SLC10A6: variants seen among roughly 807,000 people sequenced by gnomAD.
The protein encoded by SLC10A6 is solute carrier family 10 member 6.
In SLC10A6, 27 loss-of-function variants were observed where a neutral mutation model predicts 30.0. That is an observed-to-expected ratio of 0.90 (90% CI 0.66 to 1.24). The LOEUF (loss-of-function observed/expected upper bound fraction) is 1.24. SLC10A6 is among the 50% of genes most tolerant of loss of function. SLC10A6 has a pLI of 0.00. For synonymous variants in SLC10A6, 166 were observed against 173.8 expected, an observed-to-expected ratio of 0.95 and a Z score of 0.36; for missense variants, 439 against 457.0, an observed-to-expected ratio of 0.96 and a Z score of 0.36.
intron 1 of SLC10A6, among the ~76,000 whole-genome samples, chr4:86,836,985 AAC>A: frequency 6.6e-6 from 1 of 151,768 alleles, no homozygotes; most frequent in Non-Finnish European, 1.5e-5. Context: ...TCGAACTCCT[AAC>A]CTCAGGTGAT....
intron 4 of SLC10A6, 147 bp downstream of exon 4, chr4:86,827,846 T>G: frequency 1.7e-6 from 1 of 592,978 alleles, no homozygotes; most frequent in Non-Finnish European, 2.7e-6. Context: ...TTGCCATGAA[T>G]GACCCTCTTT....
intron 2 of SLC10A6, among the ~76,000 whole-genome samples, chr4:86,832,108 T>C (rs1480288512): frequency 6.6e-6 from 1 of 152,208 alleles, no homozygotes; most frequent in Non-Finnish European, 1.5e-5. Context: ...AAGCAGAATA[T>C]ATTAAATAAC....
intron 1 of SLC10A6, among the ~76,000 whole-genome samples, chr4:86,846,226 GATTTT>G (rs1746387953): frequency 6.6e-6 from 1 of 152,074 alleles, no homozygotes; most frequent in Non-Finnish European, 1.5e-5. Context: ...ACTGAAAATT[GATTTT>G]ATTACTTTTG....
chr4:86,848,675 G>T (rs1746432241), intron 1 of SLC10A6, 64 bp downstream of exon 1: 1 of 1,495,252 alleles, frequency 6.7e-7, no homozygotes, highest in Non-Finnish European at 9.0e-7. Context: ...TAACACAAGA[G>T]TTTCAGTTAT....
intron 3 of SLC10A6, among the ~76,000 whole-genome samples, chr4:86,829,815 T>C (rs1012256269): frequency 6.6e-6 from 1 of 151,972 alleles, no homozygotes; most frequent in South Asian, 2.1e-4. Context: ...TCCTATGAAA[T>C]ACCCAAAAGA....
At chr4:86,829,247 TA>T (rs1434955272) in intron 3 of SLC10A6, among the ~76,000 whole-genome samples, 1 of 151,946 alleles carries the variant, frequency 6.6e-6, no homozygotes, top group African/African-American at 2.4e-5. Context: ...CTGTCTCTAC[TA>T]AAAAATACAA....
At chr4:86,837,931 C>A (rs1273323395) in intron 1 of SLC10A6, among the ~76,000 whole-genome samples, 1 of 152,218 alleles carries the variant, frequency 6.6e-6, no homozygotes, top group Non-Finnish European at 1.5e-5. Context: ...AGGTCTTCTG[C>A]ATAGACAGAA....
intron 1 of SLC10A6, among the ~76,000 whole-genome samples, chr4:86,848,321 G>A (rs554036331): frequency 1.3e-5 from 2 of 152,238 alleles, no homozygotes; most frequent in South Asian, 2.1e-4. Context: ...CTGGAGCTAC[G>A]GGAGTCTCAT....
chr4:86,839,265 G>C (rs1470804623), intron 1 of SLC10A6, among the ~76,000 whole-genome samples: 23 of 143,408 alleles, frequency 1.6e-4, no homozygotes, highest in Admixed American at 6.9e-4. Flanking sequence ...GAGAGACCCT[G>C]GTCTCTACAA....
At chr4:86,837,142 A>G (rs1297072921) in intron 1 of SLC10A6, among the ~76,000 whole-genome samples, 1 of 151,014 alleles carries the variant, frequency 6.6e-6, no homozygotes, top group East Asian at 1.9e-4. Context: ...AATATTTTAT[A>G]TATTGTAAAG....
chr4:86,823,649 C>A lies in SLC10A6; in HGVS notation c.*39G>T. On this transcript the variant is annotated 3_prime_UTR_variant, in exon 6 of 6. Coordinates refer to ENST00000273905, the MANE Select transcript of SLC10A6 (RefSeq NM_197965.3). ...AGCTGCACACTGTCTTTACTGGCCACTGAAAAAGAAGGGGGCCAGTCCAGC... is the reference window on the plus strand; with the variant it reads ...AGCTGCACACTGTCTTTACTGGCCAATGAAAAAGAAGGGGGCCAGTCCAGC... 1 of 1,521,564 alleles carries A rather than the reference C, an allele frequency of 6.6e-7. No homozygotes were observed. 94.3% of individuals were successfully genotyped at this position (1,521,564 alleles called of 1,614,324 possible). A position where few individuals can be genotyped will look rare whatever the true frequency, so the allele number is the denominator to read the frequency against.
intron 1 of SLC10A6, among the ~76,000 whole-genome samples, chr4:86,842,711 AG>A (rs771538350): frequency 0.15 from 16,127 of 106,784 alleles, 3,442 homozygotes; most frequent in African/African-American, 0.17. Flanking sequence ...AAAAAAAAAA[AG>A]AAAAGAAAAG....
At chr4:86,846,363 C>A (rs1299295101) in intron 1 of SLC10A6, among the ~76,000 whole-genome samples, 1 of 152,052 alleles carries the variant, frequency 6.6e-6, no homozygotes, top group Non-Finnish European at 1.5e-5. Flanking sequence ...TATTGCACAA[C>A]TACTATGTAC....
intron 1 of SLC10A6, among the ~76,000 whole-genome samples, chr4:86,844,999 C>T (rs989409736): frequency 1.3e-5 from 2 of 152,116 alleles, no homozygotes; most frequent in African/African-American, 2.4e-5. Context: ...TTGGGGATTC[C>T]AGGCCCCTCC....
At chr4:86,829,451 C>T (rs1746045301) in intron 3 of SLC10A6, among the ~76,000 whole-genome samples, 1 of 151,904 alleles carries the variant, frequency 6.6e-6, no homozygotes. Context: ...ATGTAACATC[C>T]CCTCTTCCTC....
At chr4:86,839,330 A>G (rs1056575897) in intron 1 of SLC10A6, among the ~76,000 whole-genome samples, 1 of 151,742 alleles carries the variant, frequency 6.6e-6, no homozygotes, top group African/African-American at 2.4e-5. Flanking sequence ...ACACACCTGT[A>G]GTCCCAGCTA....
intron 2 of SLC10A6, 122 bp downstream of exon 2, chr4:86,833,184 T>G: frequency 1.4e-6 from 1 of 709,966 alleles, no homozygotes; most frequent in Admixed American, 2.3e-5. Flanking sequence ...TAGGGTTCTT[T>G]AAGGGATTAA....
chr4:86,832,590 CAAAAAAAA>C (rs33997087), intron 2 of SLC10A6, among the ~76,000 whole-genome samples: 1 of 132,814 alleles, frequency 7.5e-6, no homozygotes, highest in Non-Finnish European at 1.7e-5. Context: ...AACTCTGTCT[CAAAAAAAA>C]AAAACAAAAA....
chr4:86,848,951 GA>G lies in SLC10A6; in HGVS notation c.164del (p.Ile55ThrfsTer38). The G allele has an allele frequency of 1.2e-6, 2 of 1,614,086 alleles. No individual in the cohort carries two copies. Among genetic ancestry groups the G allele is most frequent in the Non-Finnish European group, 1.7e-6 (2 of 1,180,008 alleles). On this transcript the variant is annotated frameshift_variant, in exon 1 of 6. Coordinates refer to ENST00000273905, the MANE Select transcript of SLC10A6 (RefSeq NM_197965.3). LOFTEE classifies it high-confidence loss of function. ...TCCTGATGTGCGACCACAGCTTCCG[GA>G]TCTCCACGGAACATCCCAAAGAGAA... ...LMFSLGCSVE[I>X]RKLWSHIRRP...
Sources: gnomAD v4.1 joint callset for allele counts (sites outside exome capture counted in the v4.1 genomes callset) on GRCh38, gnomAD v4.1.1 for gene constraint, MANE v1.5 for transcripts, NCBI Gene and HGNC (gene_info 2026-07-23, HGNC 2026-07-21) for gene names.